DYM: variants seen among roughly 807,000 people sequenced by gnomAD.
The protein encoded by DYM is dymeclin.
A neutral mutation model predicts 93.1 loss-of-function variants in DYM; 78 were observed. That is an observed-to-expected ratio of 0.84 (90% CI 0.70 to 1.01). The LOEUF (loss-of-function observed/expected upper bound fraction) is 1.01. DYM is among the 50% of genes least tolerant of loss of function. The pLI, the probability that DYM is intolerant of heterozygous loss-of-function variation, is 0.00. For synonymous variants in DYM, 321 were observed against 319.7 expected, an observed-to-expected ratio of 1.00 and a Z score of -0.04; for missense variants, 789 against 845.0, an observed-to-expected ratio of 0.93 and a Z score of 0.82.
intron 17 of DYM, among the ~76,000 whole-genome samples, chr18:49,085,695 C>T (rs2078453022): frequency 6.8e-6 from 1 of 146,076 alleles, no homozygotes; most frequent in Non-Finnish European, 1.5e-5. Context: ...GCAACCTCTG[C>T]TGCCCGGGTT....
At chr18:49,405,033 A>G (rs2071315777) in intron 2 of DYM, among the ~76,000 whole-genome samples, 1 of 151,646 alleles carries the variant, frequency 6.6e-6, no homozygotes, top group Non-Finnish European at 1.5e-5. Context: ...AAAAAAAGAA[A>G]GAAAAAGAAG....
At chr18:49,066,248 C>T (rs36121548) in intron 17 of DYM, among the ~76,000 whole-genome samples, 1 of 152,114 alleles carries the variant, frequency 6.6e-6, no homozygotes, top group African/African-American at 2.4e-5. Flanking sequence ...GCCATCACCA[C>T]CCTGATTTTT....
At chr18:49,178,361 T>C (rs887370824) in intron 14 of DYM, among the ~76,000 whole-genome samples, 1 of 151,686 alleles carries the variant, frequency 6.6e-6, no homozygotes, top group Non-Finnish European at 1.5e-5. Context: ...AGTACATCAG[T>C]ACATGCTCAA....
intron 15 of DYM, among the ~76,000 whole-genome samples, chr18:49,136,694 C>T (rs1160900442): frequency 6.6e-6 from 1 of 152,102 alleles, no homozygotes; most frequent in African/African-American, 2.4e-5. Context: ...TAAAAATACT[C>T]TTAATCAGGC....
At chr18:49,397,763 G>A (rs1364091047) in intron 2 of DYM, among the ~76,000 whole-genome samples, 3 of 152,092 alleles carry the variant, frequency 2.0e-5, no homozygotes. Context: ...ATTTGCTAAA[G>A]CATAAAATAC....
chr18:49,151,833 C>A lies in DYM; in HGVS notation c.1728+11852G>T, dbSNP rs537304091. On this transcript the variant is annotated intron_variant, in intron 15 of 17. Coordinates refer to ENST00000675505, the MANE Select transcript of DYM (RefSeq NM_001353214.3). ...CTATGAACAGGCAGAAGGGGAGAAACAGAATGAAAAACAATCAAGATCTGA... is the reference window on the plus strand; with the variant it reads ...CTATGAACAGGCAGAAGGGGAGAAAAAGAATGAAAAACAATCAAGATCTGA... Among the ~76,000 whole-genome samples the A allele has an allele frequency of 6.6e-5, 10 of 152,034 alleles. No homozygotes were observed. The South Asian group carries it at 2.1e-3, about 32-fold the overall frequency.
At position 49,258,594 on chromosome 18, in the gene DYM, A is replaced by T. The variant is rs373380696; in HGVS notation, c.1252-101T>A. On this transcript the variant is annotated intron_variant, in intron 11 of 17. Transcript: ENST00000675505. ...TTGATAAACGATGACTTTGCTCTGA[A>T]GGTGAGTTAAGCAGCACAGACAGAG... 3.4e-4 allele frequency: 262 copies of T among 773,978 alleles called. 2 individuals carry two copies. The South Asian group carries it at 3.7e-3, about 11-fold the overall frequency. 47.9% of individuals were successfully genotyped at this position (773,978 alleles called of 1,614,324 possible). A position where few individuals can be genotyped will look rare whatever the true frequency, so the allele number is the denominator to read the frequency against.
chr18:49,351,430 T>C (rs1035318899), intron 6 of DYM, among the ~76,000 whole-genome samples: 2 of 151,718 alleles, frequency 1.3e-5, no homozygotes, highest in African/African-American at 2.4e-5. Context: ...CAAAGAAATA[T>C]TGAATAACAC....
At chr18:49,366,215 A>G (rs1249550197) in intron 5 of DYM, among the ~76,000 whole-genome samples, 1 of 152,226 alleles carries the variant, frequency 6.6e-6, no homozygotes, top group Admixed American at 6.5e-5. Flanking sequence ...TTCATATTGC[A>G]TTATTTCCCA....
At chr18:49,242,204 G>C (rs556001171) in intron 13 of DYM, among the ~76,000 whole-genome samples, 3 of 152,162 alleles carry the variant, frequency 2.0e-5, no homozygotes, top group Non-Finnish European at 4.4e-5. Flanking sequence ...CTGAAGTCAG[G>C]AATTTGAGAC....
intron 14 of DYM, among the ~76,000 whole-genome samples, chr18:49,180,076 C>T (rs569811402): frequency 2.6e-4 from 39 of 152,094 alleles, no homozygotes; most frequent in African/African-American, 9.4e-4. Context: ...ATGGAAAAAC[C>T]TAACTCTAGT....
chr18:49,295,198 A>G (rs867615901), intron 8 of DYM, among the ~76,000 whole-genome samples: 3 of 152,338 alleles, frequency 2.0e-5, no homozygotes, highest in African/African-American at 7.2e-5. Context: ...TAAAATAATA[A>G]GGAAAGAAAG....
At chr18:49,114,303 T>C (rs1249141834) in intron 16 of DYM, among the ~76,000 whole-genome samples, 1 of 152,160 alleles carries the variant, frequency 6.6e-6, no homozygotes, top group African/African-American at 2.4e-5. Flanking sequence ...CTTAAAAATG[T>C]TTAGGCATTT....
At chr18:49,273,712 T>C (rs1307884552) in intron 10 of DYM, among the ~76,000 whole-genome samples, 1 of 152,144 alleles carries the variant, frequency 6.6e-6, no homozygotes, top group Non-Finnish European at 1.5e-5. Flanking sequence ...TCTAGGTTTG[T>C]GTAAGTACAT....
intron 8 of DYM, among the ~76,000 whole-genome samples, chr18:49,320,723 T>A (rs2062408142): frequency 6.6e-6 from 1 of 152,188 alleles, no homozygotes; most frequent in African/African-American, 2.4e-5. Context: ...TCCGCCTGCC[T>A]GGGCCTCCTA....
At chr18:49,435,767 C>T (rs2080804603) in intron 1 of DYM, among the ~76,000 whole-genome samples, 1 of 151,966 alleles carries the variant, frequency 6.6e-6, no homozygotes, top group Non-Finnish European at 1.5e-5. Flanking sequence ...CCAGCCTGGG[C>T]AACAAGAACA....
At chr18:49,111,540 G>A (rs1247813582) in intron 16 of DYM, among the ~76,000 whole-genome samples, 2 of 152,190 alleles carry the variant, frequency 1.3e-5, no homozygotes, top group African/African-American at 2.4e-5. Context: ...TGGAGGTTGA[G>A]CTGATTCACT....
At chr18:49,262,722 A>C (rs2094509016) in intron 11 of DYM, among the ~76,000 whole-genome samples, 1 of 152,190 alleles carries the variant, frequency 6.6e-6, no homozygotes, top group African/African-American at 2.4e-5. Context: ...GTCCACATCC[A>C]TTCTTACTGG....
At chr18:49,115,056 T>G (rs1177262889) in intron 16 of DYM, among the ~76,000 whole-genome samples, 1 of 152,242 alleles carries the variant, frequency 6.6e-6, no homozygotes, top group East Asian at 1.9e-4. Flanking sequence ...TGTGTGACAG[T>G]AAACAAGTTA....
Sources: gnomAD v4.1 joint callset for allele counts (sites outside exome capture counted in the v4.1 genomes callset) on GRCh38, gnomAD v4.1.1 for gene constraint, MANE v1.5 for transcripts, NCBI Gene and HGNC (gene_info 2026-07-23, HGNC 2026-07-21) for gene names.